The following BIRC6 variants were observed in gnomAD, a reference collection of about 807,000 sequenced individuals.
BIRC6 encodes the protein baculoviral IAP repeat containing 6.
BIRC6 carries 98 observed loss-of-function variants against 503.3 expected under a neutral mutation model. That is an observed-to-expected ratio of 0.19 (90% CI 0.17 to 0.23). The LOEUF (loss-of-function observed/expected upper bound fraction) is 0.23. BIRC6 is among the 10% of genes least tolerant of loss of function. The probability of loss-of-function intolerance (pLI) is 1.00; values close to 1 mark genes in which losing one functional copy is unlikely to be tolerated. For synonymous variants in BIRC6, 2,240 were observed against 2,078.7 expected, an observed-to-expected ratio of 1.08 and a Z score of -2.11; for missense variants, 5,360 against 5,806.0, an observed-to-expected ratio of 0.92 and a Z score of 2.50.
intron 72 of BIRC6, among the ~76,000 whole-genome samples, chr2:32,610,010 T>C (rs2062752207): frequency 6.6e-6 from 1 of 152,308 alleles, no homozygotes; most frequent in African/African-American, 2.4e-5. Flanking sequence ...TTTATTGTTG[T>C]TCTTTAAAAT....
intron 32 of BIRC6, 54 bp downstream of exon 32, chr2:32,471,178 G>A (rs2049052491): frequency 6.5e-7 from 1 of 1,540,300 alleles, no homozygotes; most frequent in Admixed American, 2.0e-5. Context: ...ATAATATGTT[G>A]GTGGGGATTT....
intron 10 of BIRC6, among the ~76,000 whole-genome samples, chr2:32,423,392 A>G (rs888609412): frequency 6.6e-6 from 1 of 152,218 alleles, no homozygotes; most frequent in African/African-American, 2.4e-5. Context: ...TATAACCACC[A>G]GTACTGATTT....
chr2:32,562,909 A>G (rs1183851087), intron 65 of BIRC6, among the ~76,000 whole-genome samples: 1 of 152,190 alleles, frequency 6.6e-6, no homozygotes, highest in Non-Finnish European at 1.5e-5. Flanking sequence ...ATTCACATAC[A>G]GATTTTTATT....
At chr2:32,578,979 A>AATATATATATATATATATAT (rs1407258691) in intron 66 of BIRC6, among the ~76,000 whole-genome samples, 1,077 of 74,258 alleles carry the variant, frequency 0.015, 121 homozygotes, top group African/African-American at 0.046. Flanking sequence ...TTATATACCT[A>AATATATATATATATATATAT]ATATATATAT....
At chr2:32,501,309 C>G (rs2053163850) in intron 46 of BIRC6, among the ~76,000 whole-genome samples, 1 of 152,100 alleles carries the variant, frequency 6.6e-6, no homozygotes, top group African/African-American at 2.4e-5. Flanking sequence ...TTCATGTCCT[C>G]TCTTCTTGAT....
At chr2:32,424,162 C>A (rs2043223754) in intron 10 of BIRC6, among the ~76,000 whole-genome samples, 1 of 151,966 alleles carries the variant, frequency 6.6e-6, no homozygotes, top group South Asian at 2.1e-4. Flanking sequence ...CAGTATATTG[C>A]TATCATTGTG....
At chr2:32,480,237 C>T (rs1469181977) in intron 37 of BIRC6, among the ~76,000 whole-genome samples, 3 of 152,144 alleles carry the variant, frequency 2.0e-5, no homozygotes, top group Admixed American at 2.0e-4. Context: ...ATAAAGCGTG[C>T]CTTTCTCTAA....
Position 32,515,216 on chromosome 2 carries a change from G to A in BIRC6, c.10795G>A (p.Ala3599Thr). ...SSSLTDDSKN[A>T]QAPLALTESH... The stretch of plus-strand genomic sequence containing the variant: ...ATCTTTAACAGATGACTCTAAAAAT[G>A]CACAAGCACCTCTCGCATTAACTGA... The change falls in exon 55 of 74, where the codon GCA becomes ACA. Residue 3599 changes from alanine to threonine, a missense_variant. Ala to Thr is a moderately conservative substitution (Grantham distance 58). Transcript: ENST00000421745. The A allele has an allele frequency of 6.2e-7, 1 of 1,613,860 alleles. No individual in the cohort carries two copies. Among genetic ancestry groups the A allele is most frequent in the East Asian group, 2.2e-5 (1 of 44,882 alleles).
At chr2:32,609,223 G>C (rs1469835183) in intron 72 of BIRC6, among the ~76,000 whole-genome samples, 2 of 151,702 alleles carry the variant, frequency 1.3e-5, no homozygotes, top group Non-Finnish European at 2.9e-5. Flanking sequence ...GATGATATGA[G>C]TTTCCAAAAC....
intron 40 of BIRC6, 70 bp from the exon 41 acceptor site, chr2:32,487,577 C>A: frequency 2.2e-6 from 3 of 1,356,418 alleles, no homozygotes; most frequent in Admixed American, 1.9e-5. Flanking sequence ...CCTATTTATA[C>A]ATATGAATAA....
intron 62 of BIRC6, 139 bp downstream of exon 62, chr2:32,543,680 GTATTAGTTA>G (rs1449020567): frequency 6.5e-6 from 5 of 770,002 alleles, no homozygotes; most frequent in Non-Finnish European, 1.0e-5. Flanking sequence ...CTCACTTCCA[GTATTAGTTA>G]TACATAATAA....
chr2:32,511,031 CT>C (rs2054338517), intron 53 of BIRC6, among the ~76,000 whole-genome samples: 1 of 152,066 alleles, frequency 6.6e-6, no homozygotes, highest in Non-Finnish European at 1.5e-5. Context: ...GGTACTTCAA[CT>C]GTTTTTATAA....
intron 31 of BIRC6, among the ~76,000 whole-genome samples, chr2:32,470,656 C>A (rs377566135): frequency 5.7e-4 from 86 of 152,152 alleles, no homozygotes; most frequent in African/African-American, 1.6e-3. Flanking sequence ...ACATTAGAAC[C>A]TAGTTTAGTG....
chr2:32,519,144 T>G (rs2055372286), intron 57 of BIRC6, 198 bp downstream of exon 57: 1 of 515,388 alleles, frequency 1.9e-6, no homozygotes, highest in South Asian at 2.8e-5. Flanking sequence ...CACCCCTAAT[T>G]TTTTGGTTTA....
chr2:32,525,865 GT>G (rs1449601002), intron 59 of BIRC6, among the ~76,000 whole-genome samples: 1 of 152,072 alleles, frequency 6.6e-6, no homozygotes, highest in Non-Finnish European at 1.5e-5. Context: ...GGTTTTCTAA[GT>G]TTTTCTGTCA....
chr2:32,557,775 A>T (rs2058884398), intron 65 of BIRC6: 1 of 152,218 alleles, frequency 6.6e-6, no homozygotes, highest in East Asian at 1.9e-4. Flanking sequence ...TACCTAACAT[A>T]GTCAAGATAG....
At chr2:32,439,108 T>C (rs1407257230) in intron 15 of BIRC6, among the ~76,000 whole-genome samples, 2 of 152,182 alleles carry the variant, frequency 1.3e-5, no homozygotes, top group Non-Finnish European at 2.9e-5. Flanking sequence ...TGTGTGTACA[T>C]GTATGCATAA....
At chr2:32,432,023 C>T (rs1415981866) in intron 12 of BIRC6, among the ~76,000 whole-genome samples, 1 of 152,022 alleles carries the variant, frequency 6.6e-6, no homozygotes, top group Non-Finnish European at 1.5e-5. Context: ...AATACAGAAC[C>T]CTGAGGACTA....
At chr2:32,520,812 C>T (rs1397028403) in intron 57 of BIRC6, among the ~76,000 whole-genome samples, 1 of 152,132 alleles carries the variant, frequency 6.6e-6, no homozygotes, top group South Asian at 2.1e-4. Context: ...GCGAGACTCT[C>T]TCAAAACACA....
Sources: allele counts gnomAD v4.1 joint callset (sites outside exome capture counted in the v4.1 genomes callset), GRCh38; gene constraint gnomAD v4.1.1; transcripts MANE v1.5; gene names NCBI Gene and HGNC (gene_info 2026-07-23, HGNC 2026-07-21).